Variants in ATAD2B observed in about 807,000 individuals in gnomAD.
ATAD2B encodes the protein ATPase family AAA domain-containing protein 2B.
In ATAD2B, 40 loss-of-function variants were observed where a neutral mutation model predicts 167.6. That is an observed-to-expected ratio of 0.24 (90% CI 0.19 to 0.31). The LOEUF is 0.31. Among genes scored for constraint, ATAD2B ranks in the 10% least tolerant of loss-of-function variants. The probability of loss-of-function intolerance (pLI) is 1.00; values close to 1 mark genes in which losing one functional copy is unlikely to be tolerated. For synonymous variants in ATAD2B, 579 were observed against 596.5 expected (o/e 0.97, Z 0.43); for missense variants, 1,242 against 1,757.2 (o/e 0.71, Z 5.24).
chr2:23,714,380 C>T, the ATAD2B span, among the ~76,000 whole-genome samples: 6 of 148,650 alleles, frequency 4.0e-5, no homozygotes, highest in East Asian at 1.2e-3. Context: ...GCTGGGACTA[C>T]AGGTGCCCAC....
the ATAD2B span, among the ~76,000 whole-genome samples, chr2:23,742,706 AT>A: frequency 6.6e-6 from 1 of 152,178 alleles, no homozygotes; most frequent in Admixed American, 6.5e-5. Context: ...AAGTATAATA[AT>A]AAAATACAAA....
chr2:23,686,370 C>T, the ATAD2B span, among the ~76,000 whole-genome samples: 1 of 152,066 alleles, frequency 6.6e-6, no homozygotes, highest in Admixed American at 6.5e-5. Flanking sequence ...GGTAGGAGAC[C>T]TGGGTCCTAC....
chr2:23,894,692 T>C (rs2150354809), intron 2 of ATAD2B, among the ~76,000 whole-genome samples: 1 of 152,268 alleles, frequency 6.6e-6, no homozygotes, highest in African/African-American at 2.4e-5. Flanking sequence ...TTATAACAGG[T>C]AGATCAAGTC....
At chr2:23,736,793 T>A in the ATAD2B span, among the ~76,000 whole-genome samples, 6 of 152,040 alleles carry the variant, frequency 3.9e-5, no homozygotes, top group Non-Finnish European at 8.8e-5. Flanking sequence ...CCTTTCCTAG[T>A]CAAAGAAAGG....
chr2:23,823,402 C>G lies in ATAD2B; in HGVS notation c.1987G>C (p.Ala663Pro), dbSNP rs577537202. The G allele has an allele frequency of 8.1e-6, 13 of 1,613,980 alleles. No homozygotes were observed. The South Asian group carries it at 1.3e-4, about 16-fold the overall frequency. Residue 663 changes from alanine (A) to proline (P), a missense_variant, in exon 16 of 28, where the codon GCT becomes CCT. Ala to Pro is a conservative substitution (Grantham distance 27). This residue lies in a region of ATAD2B where 145 missense variants were observed against 181.9 expected (regional missense o/e 0.80). Transcript: ENST00000238789. ...FYHAMQNIVPASQRAVMSSGH... is the reference protein window; with the variant it reads ...FYHAMQNIVPPSQRAVMSSGH... ...GAAGACATCACAGCACGTTGGGAAG[C>G]AGGCACGATATTCTGCATTGCATGG...
chr2:23,850,778 CCTG>C (rs1692451626), intron 13 of ATAD2B, among the ~76,000 whole-genome samples: 1 of 152,124 alleles, frequency 6.6e-6, no homozygotes, highest in Admixed American at 6.5e-5. Context: ...CCTAAAACTG[CCTG>C]CTATGAATGG....
intron 1 of ATAD2B, among the ~76,000 whole-genome samples, chr2:23,906,056 G>A (rs1001906701): frequency 1.3e-5 from 2 of 152,138 alleles, no homozygotes; most frequent in Non-Finnish European, 2.9e-5. Flanking sequence ...AGAAAGGTCG[G>A]CTGGGTGCGG....
At chr2:23,696,258 C>T in the ATAD2B span, 16 of 1,497,996 alleles carry the variant, frequency 1.1e-5, no homozygotes, top group Middle Eastern at 2.1e-4. This position sits in a 1 kb window ranked among gnomAD's most constrained non-coding sequence, Gnocchi z 5.5. Context: ...CTTCCTCTGC[C>T]CCTGGGGCTG....
the ATAD2B span, among the ~76,000 whole-genome samples, chr2:23,709,677 C>T: frequency 1.3e-5 from 2 of 151,074 alleles, no homozygotes; most frequent in Middle Eastern, 3.5e-3. Flanking sequence ...TCAGGGTAGG[C>T]GAGAGAGGGA....
intron 4 of ATAD2B, among the ~76,000 whole-genome samples, chr2:23,887,517 G>T (rs1698867854): frequency 2.0e-5 from 3 of 152,102 alleles, no homozygotes; most frequent in Admixed American, 2.0e-4. Context: ...AATAGCGATT[G>T]TACTGACCAC....
chr2:23,754,583 C>A, intron 26 of ATAD2B, 64 bp downstream of exon 26: 1 of 1,572,520 alleles, frequency 6.4e-7, no homozygotes, highest in Non-Finnish European at 8.7e-7. Flanking sequence ...TACTCAACTG[C>A]CTACAAACAC....
At chr2:23,907,194 G>C (rs1288637034) in intron 1 of ATAD2B, among the ~76,000 whole-genome samples, 3 of 152,060 alleles carry the variant, frequency 2.0e-5, no homozygotes, top group Non-Finnish European at 4.4e-5. Flanking sequence ...GTTTGCAGAC[G>C]ACATGATTGT....
At chr2:23,720,472 G>A in the ATAD2B span, among the ~76,000 whole-genome samples, 1 of 150,556 alleles carries the variant, frequency 6.6e-6, no homozygotes, top group Admixed American at 6.7e-5. Context: ...TACTCAGGAG[G>A]CTGAAGGAGG....
the ATAD2B span, chr2:23,691,488 T>A: frequency 1.7e-6 from 1 of 603,340 alleles, no homozygotes; most frequent in South Asian, 2.0e-5. Context: ...CTTTTGGGCG[T>A]CTCTGGTCAG....
chr2:23,856,092 G>C (rs1482227845), intron 13 of ATAD2B: 1 of 152,904 alleles, frequency 6.5e-6, no homozygotes, highest in African/African-American at 2.4e-5. Context: ...GGGAGGCTGA[G>C]GCAGGAGAAC....
the ATAD2B span, among the ~76,000 whole-genome samples, chr2:23,699,575 G>C: frequency 2.6e-5 from 4 of 152,152 alleles, no homozygotes; most frequent in Admixed American, 2.6e-4. Context: ...GCCTCCTGTT[G>C]TCCTTTCTCC....
intron 17 of ATAD2B, among the ~76,000 whole-genome samples, chr2:23,817,187 C>A (rs1038047875): frequency 1.3e-5 from 2 of 152,192 alleles, no homozygotes; most frequent in African/African-American, 4.8e-5. Flanking sequence ...AATTCCCTAG[C>A]TACTTATTAA....
chr2:23,678,793 G>T, the ATAD2B span, among the ~76,000 whole-genome samples: 1 of 152,168 alleles, frequency 6.6e-6, no homozygotes, highest in Non-Finnish European at 1.5e-5. Context: ...CATTATGCTA[G>T]GTGAAATAAA....
the ATAD2B span, among the ~76,000 whole-genome samples, chr2:23,740,266 C>G: frequency 2.0e-5 from 3 of 152,274 alleles, no homozygotes; most frequent in African/African-American, 7.2e-5. Context: ...AATTTCAGAC[C>G]AATATCCCTG....
Sources: allele counts gnomAD v4.1 joint callset (sites outside exome capture counted in the v4.1 genomes callset), GRCh38; gene constraint gnomAD v4.1.1; regional missense constraint gnomAD v4.1.1; non-coding constraint Gnocchi (gnomAD v3.1); transcripts MANE v1.5; gene names NCBI Gene and HGNC (gene_info 2026-07-23, HGNC 2026-07-21).